HK1: variants seen among roughly 807,000 people sequenced by gnomAD.
The protein encoded by HK1 is hexokinase 1, also known as hexokinase-1.
A neutral mutation model predicts 91.6 loss-of-function variants in HK1; 28 were observed. That is an observed-to-expected ratio of 0.31 (90% CI 0.23 to 0.42). The LOEUF is 0.42. HK1 is among the 10% of genes least tolerant of loss of function. The probability of loss-of-function intolerance (pLI) is 1.00; values close to 1 mark genes in which losing one functional copy is unlikely to be tolerated. For synonymous variants in HK1, 430 were observed against 468.1 expected (o/e 0.92, Z 1.05); for missense variants, 770 against 1,219.8 (o/e 0.63, Z 5.49).
chr10:69,335,588 A>G (rs1395448454), intron 1 of HK1, among the ~76,000 whole-genome samples: 1 of 152,184 alleles, frequency 6.6e-6, no homozygotes, highest in African/African-American at 2.4e-5. Flanking sequence ...CTCTGCAAGT[A>G]TGTCGCCCTG....
intron 3 of HK1, among the ~76,000 whole-genome samples, chr10:69,291,158 C>T (rs1845281614): frequency 6.6e-6 from 1 of 152,240 alleles, no homozygotes; most frequent in Admixed American, 6.5e-5. Flanking sequence ...GAATTTAAAG[C>T]AGGCCAGGCC....
intron 3 of HK1, among the ~76,000 whole-genome samples, chr10:69,290,672 G>T (rs949760223): frequency 6.6e-6 from 1 of 152,142 alleles, no homozygotes; most frequent in Non-Finnish European, 1.5e-5. Context: ...CTAATTTTTT[G>T]TATTTTTAGT....
At chr10:69,381,102 AGAC>A in intron 9 of HK1, among the ~76,000 whole-genome samples, 1 of 152,188 alleles carries the variant, frequency 6.6e-6, no homozygotes, top group South Asian at 2.1e-4. Flanking sequence ...CAGGAGTTCG[AGAC>A]CAGCCTGGGC....
chr10:69,398,103 C>G (rs576118728), intron 16 of HK1, among the ~76,000 whole-genome samples: 1 of 152,252 alleles, frequency 6.6e-6, no homozygotes, highest in Admixed American at 6.5e-5. Context: ...TATAAACAAA[C>G]CTTATCAAAA....
intron 2 of HK1, among the ~76,000 whole-genome samples, chr10:69,346,746 T>A (rs1848582890): frequency 6.6e-6 from 1 of 152,118 alleles, no homozygotes; most frequent in Non-Finnish European, 1.5e-5. Flanking sequence ...AGTGGCTTTT[T>A]GCTGCTGCAT....
At chr10:69,345,897 T>G (rs1564529031) in intron 2 of HK1, among the ~76,000 whole-genome samples, 1 of 152,148 alleles carries the variant, frequency 6.6e-6, no homozygotes, top group Non-Finnish European at 1.5e-5. Context: ...TGAAATGTAT[T>G]TTTCACCCCC....
chr10:69,305,250 A>G (rs1342379460), intron 5 of HK1, among the ~76,000 whole-genome samples: 1 of 152,154 alleles, frequency 6.6e-6, no homozygotes, highest in Non-Finnish European at 1.5e-5. Context: ...GAAGCTACTG[A>G]GACACTCTCA....
At position 69,382,556 on chromosome 10, in the gene HK1, G is replaced by C; in HGVS notation, c.1335G>C (p.Ser445=). ...ACTCCGATGTGCGCTTCCTCCTCTCGGAGAGTGGCAGCGGCAAGGGGGCTG... is the reference window on the plus strand; with the variant it reads ...ACTCCGATGTGCGCTTCCTCCTCTCCGAGAGTGGCAGCGGCAAGGGGGCTG... ...VPDSDVRFLL[S]ESGSGKGAAM... is the part of the protein sequence containing the mutation. The change falls in exon 10 of 18, where the codon TCG becomes TCC. Residue 445 remains serine, a synonymous_variant. Coordinates refer to ENST00000359426, the MANE Select transcript of HK1 (RefSeq NM_000188.3). 2 of 1,614,174 alleles carry C rather than the reference G, an allele frequency of 1.2e-6. No individual in the cohort carries two copies. The highest frequency in any genetic ancestry group is 1.7e-6 in the Non-Finnish European group (2 of 1,180,038).
intron 14 of HK1, among the ~76,000 whole-genome samples, chr10:69,390,942 G>C (rs1839869914): frequency 6.6e-6 from 1 of 152,230 alleles, no homozygotes; most frequent in Non-Finnish European, 1.5e-5. Flanking sequence ...CCACAAGCTT[G>C]GATATCATGG....
At chr10:69,355,891 C>G (rs7067927) in intron 2 of HK1, among the ~76,000 whole-genome samples, 1 of 151,948 alleles carries the variant, frequency 6.6e-6, no homozygotes, top group South Asian at 2.1e-4. Context: ...AAAGAATAGT[C>G]TTTTCAGCAA....
chr10:69,292,245 T>A, intron 3 of HK1: 1 of 301,854 alleles, frequency 3.3e-6, no homozygotes. Context: ...CAGTTTTTAA[T>A]TTTTTTTTGT....
rs181837957 is a variant in HK1, at chr10:69,354,528, G to T, written c.227-5369G>T. Among the ~76,000 whole-genome samples, 826 of 152,212 alleles carry T rather than the reference G, an allele frequency of 5.4e-3. 4 individuals carry two copies. Among genetic ancestry groups the T allele is most frequent in the Non-Finnish European group, 8.9e-3 (608 of 68,000 alleles). On this transcript the variant is annotated intron_variant, in intron 2 of 17. Transcript: ENST00000359426. ...CACTATCACGAGAACAGCATGGGGG[G>T]AACCACCTCCATGATTCAGTTACCT...
chr10:69,347,917 A>G (rs1481658878), intron 2 of HK1, among the ~76,000 whole-genome samples: 3 of 152,162 alleles, frequency 2.0e-5, no homozygotes, highest in African/African-American at 4.8e-5. Flanking sequence ...AAGGGCCTTT[A>G]GTTCAAAATA....
chr10:69,380,227 A>G lies in HK1; in HGVS notation c.1265+132A>G. 1.3e-6 allele frequency: 1 copy of G among 760,194 alleles called. No homozygotes were observed. The highest frequency in any genetic ancestry group is 2.0e-5 in the Admixed American group (1 of 50,058). 47.1% of individuals were successfully genotyped at this position (760,194 alleles called of 1,614,324 possible). On this transcript the variant is annotated intron_variant, in intron 9 of 17. Transcript: ENST00000359426. This position sits in a 1 kb window ranked among gnomAD's most constrained non-coding sequence, Gnocchi z 4.0. Reference sequence around the variant, plus strand: ...CAATGGTGGTCGGGGGCTGTGGCTCATGCCTGTAATCTTAGCACTTTGAGA... The same window carrying G: ...CAATGGTGGTCGGGGGCTGTGGCTCGTGCCTGTAATCTTAGCACTTTGAGA...
At chr10:69,372,110 ACTC>A (rs1315566067) in intron 7 of HK1, among the ~76,000 whole-genome samples, 9 of 152,198 alleles carry the variant, frequency 5.9e-5, no homozygotes, top group African/African-American at 1.4e-4. Context: ...GTGCAGGGGA[ACTC>A]CTCTTTATAA....
chr10:69,330,888 T>TG, intron 1 of HK1, among the ~76,000 whole-genome samples: 2 of 151,622 alleles, frequency 1.3e-5, no homozygotes, highest in South Asian at 4.2e-4. Flanking sequence ...TTTTTTTCTT[T>TG]TTTTTTTTTT....
chr10:69,338,272 T>C (rs1589506281), intron 1 of HK1: 1 of 1,170,572 alleles, frequency 8.5e-7, no homozygotes, highest in East Asian at 5.9e-5. Flanking sequence ...TGGGCAGCGG[T>C]GGACAGAGGC....
At chr10:69,356,007 G>A (rs1849107518) in intron 2 of HK1, among the ~76,000 whole-genome samples, 1 of 152,130 alleles carries the variant, frequency 6.6e-6, no homozygotes, top group African/African-American at 2.4e-5. Context: ...CTAAATGTGG[G>A]AGCTAAAACT....
In HK1 at chr10:69,401,188, C is replaced by G. The variant is rs923640684; in HGVS notation, c.*53C>G. The G allele has an allele frequency of 1.2e-5, 19 of 1,575,050 alleles. No homozygotes were observed. Among genetic ancestry groups the G allele is most frequent in the Non-Finnish European group, 1.6e-5 (19 of 1,162,470 alleles). On this transcript the variant is annotated 3_prime_UTR_variant, in exon 18 of 18. Transcript: ENST00000359426. ...CTCCAGCACTTCTCTCTTCAAGCGG[C>G]GACCCCCTACCCTCCCAGCGAGTTG...
Sources: allele counts gnomAD v4.1 joint callset (sites outside exome capture counted in the v4.1 genomes callset), GRCh38; gene constraint gnomAD v4.1.1; non-coding constraint Gnocchi (gnomAD v3.1); transcripts MANE v1.5; gene names NCBI Gene and HGNC (gene_info 2026-07-23, HGNC 2026-07-21).